MDM4: variants seen among roughly 807,000 people sequenced by gnomAD.
MDM4 encodes the protein MDM4 regulator of p53.
In MDM4, 2 loss-of-function variants were observed where a neutral mutation model predicts 60.2. The ratio of observed to expected loss-of-function variants is 0.03; its 90% confidence interval spans 0.01 to 0.10. MDM4 has a LOEUF of 0.10. Ranked by LOEUF, MDM4 falls within the 10% of genes least tolerant of loss-of-function variation. The pLI is 1.00. For missense variants in MDM4, 447 were observed against 577.5 expected (o/e 0.77, Z 2.32); for synonymous variants, 202 against 198.1 (o/e 1.02, Z -0.17).
At position 204,556,165 on chromosome 1, in the gene MDM4, T is replaced by C. The variant is rs1177398704; in HGVS notation, c.*6483T>C. On this transcript the variant is annotated 3_prime_UTR_variant, in exon 11 of 11. Transcript: ENST00000367182. ...CTTAGTTCCAAAGTTAATTATCTTATTTCTGGATATTGCTTTTATACCAAA... is the reference window on the plus strand; with the variant it reads ...CTTAGTTCCAAAGTTAATTATCTTACTTCTGGATATTGCTTTTATACCAAA... 8.9e-6 allele frequency: 2 copies of C among 224,778 alleles called. No individual in the cohort carries two copies. The highest frequency in any genetic ancestry group is 1.8e-5 in the Non-Finnish European group (2 of 112,900). 13.9% of individuals were successfully genotyped at this position (224,778 alleles called of 1,614,324 possible).
chr1:204,537,310 T>C, intron 5 of MDM4, 120 bp from the exon 6 acceptor site: 1 of 675,968 alleles, frequency 1.5e-6, no homozygotes, highest in South Asian at 1.9e-5. Flanking sequence ...CCAGCCAACA[T>C]GGAGAAGTAC....
chr1:204,523,501 T>TTTTGG (rs1659791860), intron 1 of MDM4, among the ~76,000 whole-genome samples: 1 of 117,462 alleles, frequency 8.5e-6, no homozygotes, highest in Non-Finnish European at 1.6e-5. Flanking sequence ...TTTTTTTTTT[T>TTTTGG]GCGACAGGGT....
rs1021351478 is a variant in MDM4, at chr1:204,555,610, A to G, written c.*5928A>G. On this transcript the variant is annotated 3_prime_UTR_variant, in exon 11 of 11. Transcript: ENST00000367182. Reference sequence around the variant, plus strand: ...CTAGGGGCGGTGGCTTACGCCTGTAATCCCAGCACTTTGGGAGGCCGAGGT... The same window carrying G: ...CTAGGGGCGGTGGCTTACGCCTGTAGTCCCAGCACTTTGGGAGGCCGAGGT... 1.9e-4 allele frequency: 32 copies of G among 166,980 alleles called. No individual in the cohort carries two copies. The highest frequency in any genetic ancestry group is 7.6e-4 in the African/African-American group (32 of 41,926). The allele number at this position is 166,980 out of a possible 1,614,324, so 10.3% of individuals were successfully genotyped here.
In MDM4 at chr1:204,538,279, C is replaced by T. The variant is rs762382380; in HGVS notation, c.482C>T (p.Ser161Leu). Residue 161 changes from serine to leucine, a missense_variant, in exon 7 of 11, where the codon TCA becomes TTA. This residue lies in a region of MDM4 where 184 missense variants were observed against 179.3 expected (regional missense o/e 1.03). Coordinates refer to ENST00000367182, the MANE Select transcript of MDM4 (RefSeq NM_002393.5). Reference protein sequence around the residue: ...TEDDIPTLPTSEHKCIHSRED... With the variant: ...TEDDIPTLPTLEHKCIHSRED... ...GACGATATCCCCACACTGCCTACCT[C>T]AGAGCATAAATGCATACATTCTAGA... 51 of 1,604,708 alleles carry T rather than the reference C, an allele frequency of 3.2e-5. No homozygotes were observed. The highest frequency in any genetic ancestry group is 4.0e-5 in the Non-Finnish European group (47 of 1,171,540).
At chr1:204,528,653 C>T (rs1660502402) in intron 3 of MDM4, among the ~76,000 whole-genome samples, 3 of 152,222 alleles carry the variant, frequency 2.0e-5, no homozygotes, top group Non-Finnish European at 4.4e-5. Context: ...TGTGTGGCCT[C>T]AGCCCTGGTC....
At chr1:204,537,904 T>G (rs760915076) in intron 6 of MDM4, 1 of 684,470 alleles carries the variant, frequency 1.5e-6, no homozygotes, top group Non-Finnish European at 2.8e-6. Context: ...TTTCATATGT[T>G]TTCTGAATTA....
intron 7 of MDM4, among the ~76,000 whole-genome samples, chr1:204,541,999 G>C (rs887338416): frequency 6.6e-6 from 1 of 152,210 alleles, no homozygotes; most frequent in Non-Finnish European, 1.5e-5. Context: ...GTATGGGAAA[G>C]AAAAGAGTAT....
chr1:204,520,576 G>A (rs1659474833), intron 1 of MDM4, among the ~76,000 whole-genome samples: 1 of 152,044 alleles, frequency 6.6e-6, no homozygotes, highest in Non-Finnish European at 1.5e-5. Context: ...TTAGTTTGTG[G>A]AAGATTATTG....
At position 204,536,816 on chromosome 1, in the gene MDM4, A is replaced by G. The variant is rs1042656277; in HGVS notation, c.344-614A>G. 1.9e-4 allele frequency: 39 copies of G among 206,468 alleles called. No individual in the cohort carries two copies. The South Asian group carries it at 2.3e-3, about 12-fold the overall frequency. The allele number at this position is 206,468 out of a possible 1,614,324, so 12.8% of individuals were successfully genotyped here. ...TTTATTTGCTGCTGCTTCTTAGGAA[A>G]TGTTTATAGTAACTGGGAAAAATAA... On this transcript the variant is annotated intron_variant, in intron 5 of 10. Transcript: ENST00000367182.
In MDM4 at chr1:204,551,034, TTTTTGTTTTG is replaced by T. The variant is rs561149053; in HGVS notation, c.*1367_*1376del. On this transcript the variant is annotated 3_prime_UTR_variant, in exon 11 of 11. Transcript: ENST00000367182. Reference sequence around the variant, plus strand: ...CTGGCACAGCCTTCAGAAGCATCAGTTTTTGTTTTGTTTTGTTTTGTTTTTTGAGACAGGG... The same window carrying T: ...CTGGCACAGCCTTCAGAAGCATCAGTTTTTGTTTTGTTTTTTGAGACAGGG... The T allele has an allele frequency of 5.4e-5, 10 of 186,116 alleles. No individual in the cohort carries two copies. Among genetic ancestry groups the T allele is most frequent in the Non-Finnish European group, 1.0e-4 (9 of 88,424 alleles). The allele number at this position is 186,116 out of a possible 1,614,324, so 11.5% of individuals were successfully genotyped here.
chr1:204,524,380 G>A (rs575687486), intron 1 of MDM4, among the ~76,000 whole-genome samples: 2 of 152,240 alleles, frequency 1.3e-5, no homozygotes, highest in South Asian at 4.1e-4. Context: ...TATTCTAGTC[G>A]CCATTTACCC....
intron 5 of MDM4, chr1:204,532,969 T>G: frequency 1.2e-6 from 1 of 848,146 alleles, no homozygotes; most frequent in Non-Finnish European, 1.8e-6. Context: ...CAGAGTCATG[T>G]AAGGTCTGCC....
chr1:204,543,685 A>T (rs1051153633), intron 8 of MDM4, among the ~76,000 whole-genome samples: 1 of 152,144 alleles, frequency 6.6e-6, no homozygotes, highest in African/African-American at 2.4e-5. Flanking sequence ...TTTGTTTTGG[A>T]GCTGTGTAGC....
At chr1:204,521,943 T>C (rs1253243120) in intron 1 of MDM4, among the ~76,000 whole-genome samples, 2 of 151,970 alleles carry the variant, frequency 1.3e-5, no homozygotes, top group Admixed American at 1.3e-4. Flanking sequence ...ATACAAGCGG[T>C]TGGGAGTTTT....
intron 7 of MDM4, 43 bp from the exon 8 acceptor site, chr1:204,542,741 C>A (rs4252715): frequency 7.1e-7 from 1 of 1,409,190 alleles, no homozygotes; most frequent in Non-Finnish European, 9.8e-7. Context: ...TTAGTTATTA[C>A]GTATTGTGCA....
rs1270941968 is a variant in MDM4 at position 204,544,690 on chromosome 1, T to C, written c.822+6T>C. ...GGAAAGTAAGTGACAAAAAGGTATG[T>C]TGTGGAAAAATTCCATGTTGATTCT... On this transcript the variant is annotated splice_donor_region_variant and intron_variant, in intron 9 of 10. Transcript: ENST00000367182. The C allele has an allele frequency of 6.2e-7, 1 of 1,607,548 alleles. No individual in the cohort carries two copies.
At chr1:204,532,383 A>T in intron 5 of MDM4, 137 bp downstream of exon 5, 1 of 642,482 alleles carries the variant, frequency 1.6e-6, no homozygotes, top group South Asian at 1.9e-5. Flanking sequence ...ACTACCTGTC[A>T]CACAGAATGT....
intron 3 of MDM4, chr1:204,529,392 TG>T: frequency 9.0e-7 from 1 of 1,115,814 alleles, no homozygotes; most frequent in Non-Finnish European, 1.4e-6. Context: ...CCTGGGCTGC[TG>T]GGCACCGTAG....
chr1:204,531,030 C>T (rs1660803716), intron 4 of MDM4, among the ~76,000 whole-genome samples: 1 of 152,122 alleles, frequency 6.6e-6, no homozygotes, highest in Non-Finnish European at 1.5e-5. Context: ...TGCTCTTGCC[C>T]ATCTTAGTCA....
Sources: gnomAD v4.1 joint callset for allele counts (sites outside exome capture counted in the v4.1 genomes callset) on GRCh38, gnomAD v4.1.1 for gene constraint, gnomAD v4.1.1 regional missense constraint, MANE v1.5 for transcripts, NCBI Gene and HGNC (gene_info 2026-07-23, HGNC 2026-07-21) for gene names.